Variants in SLC12A1 observed in about 807,000 individuals in gnomAD.
SLC12A1 encodes solute carrier family 12 member 1.
SLC12A1 carries 89 observed loss-of-function variants against 130.4 expected under a neutral mutation model. The observed-to-expected ratio is 0.68, with a 90% CI of 0.58 to 0.81. The LOEUF is 0.81. Among genes scored for constraint, SLC12A1 ranks in the 40% least tolerant of loss-of-function variants. The probability of loss-of-function intolerance (pLI) is 0.00; values close to 1 mark genes in which losing one functional copy is unlikely to be tolerated. For synonymous variants in SLC12A1, 499 were observed against 460.0 expected (o/e 1.08, Z -1.09); for missense variants, 1,310 against 1,336.4 (o/e 0.98, Z 0.31).
At position 48,288,131 on chromosome 15, in the gene SLC12A1, A is replaced by G. The variant is rs1203689105; in HGVS notation, c.2718A>G (p.Gln906=). The G allele has an allele frequency of 1.9e-6, 3 of 1,610,426 alleles. No individual in the cohort carries two copies. The highest frequency in any genetic ancestry group is 2.2e-5 in the South Asian group (2 of 90,114). The stretch of plus-strand genomic sequence containing the variant: ...CCAGCACTCAATTTAAAAAGAAACA[A>G]GAAAAAGGCACAATTGATGTTTGGT... The part of the protein sequence containing the change: ...VEASTQFKKK[Q]EKGTIDVWWL... The change falls in exon 22 of 27, where the codon CAA becomes CAG. Residue 906 remains glutamine, a synonymous_variant. Transcript: ENST00000380993.
At chr15:48,242,373 G>C (rs1053374769) in intron 10 of SLC12A1, among the ~76,000 whole-genome samples, 1 of 152,214 alleles carries the variant, frequency 6.6e-6, no homozygotes, top group African/African-American at 2.4e-5. Flanking sequence ...GTACATCCCA[G>C]TCCTCTTCTG....
chr15:48,295,068 T>A (rs1221182011), intron 24 of SLC12A1, among the ~76,000 whole-genome samples: 5 of 150,606 alleles, frequency 3.3e-5, no homozygotes, highest in Non-Finnish European at 7.4e-5. Context: ...TGAGCCCCTA[T>A]ACCCAGCTTT....
intron 24 of SLC12A1, among the ~76,000 whole-genome samples, chr15:48,293,062 C>T (rs1394288657): frequency 1.3e-5 from 2 of 152,186 alleles, no homozygotes; most frequent in South Asian, 4.1e-4. Context: ...ACCACAAGCA[C>T]ATGCCACCAC....
chr15:48,302,818 C>G lies in SLC12A1; in HGVS notation c.3233C>G (p.Thr1078Arg). The change falls in exon 27 of 27, where the codon ACA (threonine) becomes AGA (arginine). Residue 1078 changes from threonine to arginine, a missense_variant. By Grantham distance (71) the Thr-to-Arg change is moderately conservative. Coordinates refer to ENST00000380993, the MANE Select transcript of SLC12A1 (RefSeq NM_000338.3). The stretch of plus-strand genomic sequence containing the variant: ...TATATGGCTTGGTTGGAAATCCTCA[C>G]AAAGAACCTCCCACCTGTCTTACTA... ...LLYMAWLEIL[T>R]KNLPPVLLVR... 3.1e-6 allele frequency: 5 copies of G among 1,612,942 alleles called. No individual in the cohort carries two copies. Among genetic ancestry groups the G allele is most frequent in the Non-Finnish European group, 4.2e-6 (5 of 1,179,068 alleles).
chr15:48,235,956 G>T (rs919432566), intron 9 of SLC12A1, among the ~76,000 whole-genome samples: 31 of 152,218 alleles, frequency 2.0e-4, no homozygotes, highest in African/African-American at 7.5e-4. Context: ...TAGCCTTGTG[G>T]CCTTACCTGG....
At chr15:48,289,773 C>T (rs917309095) in intron 23 of SLC12A1, among the ~76,000 whole-genome samples, 1 of 152,094 alleles carries the variant, frequency 6.6e-6, no homozygotes, top group Non-Finnish European at 1.5e-5. Flanking sequence ...GTATTGGGCA[C>T]TTACCATGAG....
chr15:48,248,714 G>A (rs1213861056), intron 13 of SLC12A1, among the ~76,000 whole-genome samples: 2 of 152,194 alleles, frequency 1.3e-5, no homozygotes, highest in African/African-American at 4.8e-5. Flanking sequence ...AATCCAGCTG[G>A]AATTAAATCA....
Position 48,246,995 on chromosome 15 carries a change from C to G in SLC12A1, c.1539C>G (p.Val513=). 6.2e-7 allele frequency: 1 copy of G among 1,613,790 alleles called. No homozygotes were observed. The highest frequency in any genetic ancestry group is 8.5e-7 in the Non-Finnish European group (1 of 1,179,712). Residue 513 remains valine, a synonymous_variant, in exon 12 of 27, where the codon GTC becomes GTG. Coordinates refer to ENST00000380993, the MANE Select transcript of SLC12A1 (RefSeq NM_000338.3). Reference sequence around the variant, plus strand: ...TCTCCTCCGCCCTGGCCTCCCTTGTCAGCGCACCCAAAGTGTTCCAGGTAA... The same window carrying G: ...TCTCCTCCGCCCTGGCCTCCCTTGTGAGCGCACCCAAAGTGTTCCAGGTAA... ...ATLSSALASL[V]SAPKVFQALC...
chr15:48,277,981 G>A (rs772940485), intron 20 of SLC12A1, among the ~76,000 whole-genome samples: 35 of 152,122 alleles, frequency 2.3e-4, no homozygotes, highest in African/African-American at 8.2e-4. Flanking sequence ...AGCACAAAAG[G>A]TTATCTCTTG....
At chr15:48,275,024 C>T (rs909954058) in intron 20 of SLC12A1, among the ~76,000 whole-genome samples, 3 of 152,074 alleles carry the variant, frequency 2.0e-5, no homozygotes, top group Non-Finnish European at 2.9e-5. Context: ...ACGTATTTTG[C>T]TTTTGAGAGT....
chr15:48,258,163 C>T (rs1279744938), intron 16 of SLC12A1, among the ~76,000 whole-genome samples: 1 of 73,036 alleles, frequency 1.4e-5, no homozygotes, highest in Non-Finnish European at 2.2e-5. Flanking sequence ...AGATCGAGAC[C>T]ATCCCGGCTA....
At chr15:48,293,803 G>C (rs1332441147) in intron 24 of SLC12A1, among the ~76,000 whole-genome samples, 1 of 152,120 alleles carries the variant, frequency 6.6e-6, no homozygotes, top group Non-Finnish European at 1.5e-5. Context: ...TCAGCACTTT[G>C]AGAGGCCAAG....
intron 19 of SLC12A1, 68 bp from the exon 20 acceptor site, chr15:48,274,503 A>C (rs749318391): frequency 6.2e-6 from 6 of 965,814 alleles, no homozygotes; most frequent in Non-Finnish European, 9.8e-6. Context: ...AGCAAGTGTA[A>C]TACTAGTCCA....
intron 8 of SLC12A1, among the ~76,000 whole-genome samples, chr15:48,233,674 T>G (rs563315588): frequency 5.9e-5 from 9 of 152,224 alleles, no homozygotes; most frequent in Non-Finnish European, 1.3e-4. Flanking sequence ...CCTTTATTAT[T>G]TACTCAGTTG....
intron 10 of SLC12A1, among the ~76,000 whole-genome samples, chr15:48,242,995 G>A (rs1478376395): frequency 6.6e-6 from 1 of 151,836 alleles, no homozygotes; most frequent in Non-Finnish European, 1.5e-5. Context: ...TAAAGGTATA[G>A]ACCTGATTTC....
At chr15:48,281,328 T>A (rs2042006820) in intron 20 of SLC12A1, among the ~76,000 whole-genome samples, 2 of 152,184 alleles carry the variant, frequency 1.3e-5, no homozygotes, top group Non-Finnish European at 2.9e-5. Context: ...AAAAATGGCG[T>A]AAGTTCTGCC....
intron 8 of SLC12A1, 100 bp from the exon 9 acceptor site, chr15:48,234,777 G>C (rs2041420619): frequency 1.8e-6 from 2 of 1,142,286 alleles, no homozygotes; most frequent in African/African-American, 3.1e-5. Flanking sequence ...TAGAATATAG[G>C]AATGTATTTT....
chr15:48,254,630 A>AC (rs2041684713), intron 15 of SLC12A1, among the ~76,000 whole-genome samples: 1 of 136,488 alleles, frequency 7.3e-6, no homozygotes, highest in Non-Finnish European at 1.5e-5. Flanking sequence ...AAAAAAAAAA[A>AC]CCCAAAAAAG....
rs376096118 is a variant in SLC12A1 at position 48,208,085 on chromosome 15, T to A, written c.366T>A (p.Ser122Arg). The A allele has an allele frequency of 1.5e-5, 24 of 1,612,834 alleles. No homozygotes were observed. The highest frequency in any genetic ancestry group is 1.9e-5 in the Non-Finnish European group (22 of 1,179,250). ...ACTATCGTAACACCGGCAGCATCAGTGGGCCCAAGGTCAACCGACCCAGCC... is the reference window on the plus strand; with the variant it reads ...ACTATCGTAACACCGGCAGCATCAGAGGGCCCAAGGTCAACCGACCCAGCC... ...IEYYRNTGSISGPKVNRPSLL... is the reference protein window; with the variant it reads ...IEYYRNTGSIRGPKVNRPSLL... Residue 122 changes from serine (S) to arginine (R), a missense_variant, in exon 2 of 27, where the codon AGT becomes AGA. By Grantham distance (110) the Ser-to-Arg change is moderately radical. Transcript: ENST00000380993.
Sources: allele counts gnomAD v4.1 joint callset (sites outside exome capture counted in the v4.1 genomes callset), GRCh38; gene constraint gnomAD v4.1.1; transcripts MANE v1.5; gene names NCBI Gene and HGNC (gene_info 2026-07-23, HGNC 2026-07-21).